The following TANC2 variants were observed in gnomAD, a reference collection of about 807,000 sequenced individuals.
The protein encoded by TANC2 is tetratricopeptide repeat, ankyrin repeat and coiled-coil containing 2, also known as protein TANC2.
TANC2 carries 26 observed loss-of-function variants against 210.5 expected under a neutral mutation model. The ratio of observed to expected loss-of-function variants is 0.12; its 90% confidence interval spans 0.09 to 0.17. The LOEUF is 0.17. Ranked by LOEUF, TANC2 falls within the 10% of genes least tolerant of loss-of-function variation. The pLI is 1.00. For missense variants in TANC2, 2,129 were observed against 2,608.9 expected, an observed-to-expected ratio of 0.82 and a Z score of 4.01; for synonymous variants, 931 against 967.1, an observed-to-expected ratio of 0.96 and a Z score of 0.69.
chr17:63,005,251 G>A (rs1293708636), intron 1 of TANC2: 4 of 152,218 alleles, frequency 2.6e-5, no homozygotes, highest in Non-Finnish European at 4.4e-5. Flanking sequence ...AAATGGCCAT[G>A]TAGTGTAGGT....
chr17:63,349,383 A>G (rs571615190), intron 12 of TANC2, among the ~76,000 whole-genome samples: 18 of 152,258 alleles, frequency 1.2e-4, no homozygotes, highest in African/African-American at 4.3e-4. Context: ...GAAAATCCCA[A>G]CAGATGCATT....
intron 7 of TANC2, among the ~76,000 whole-genome samples, chr17:63,221,606 G>T (rs868430875): frequency 6.6e-6 from 1 of 152,202 alleles, no homozygotes; most frequent in East Asian, 1.9e-4. Flanking sequence ...ATGAGCAAGC[G>T]ATTTGAACAG....
At chr17:62,998,923 C>T (rs938701004) in intron 1 of TANC2, among the ~76,000 whole-genome samples, 1 of 152,128 alleles carries the variant, frequency 6.6e-6, no homozygotes, top group African/African-American at 2.4e-5. Context: ...CACATAGAGT[C>T]AAAGTAAAGG....
intron 2 of TANC2, among the ~76,000 whole-genome samples, chr17:63,054,137 G>C (rs1191900712): frequency 6.6e-6 from 1 of 152,126 alleles, no homozygotes; most frequent in African/African-American, 2.4e-5. Context: ...CATTTAAAAT[G>C]GTAGTACTAC....
chr17:63,023,023 A>C (rs191339415), intron 2 of TANC2, among the ~76,000 whole-genome samples: 1 of 152,324 alleles, frequency 6.6e-6, no homozygotes, highest in Non-Finnish European at 1.5e-5. Flanking sequence ...GCTTTTCTTC[A>C]AGATTTCAAA....
intron 11 of TANC2, among the ~76,000 whole-genome samples, chr17:63,321,458 C>CA (rs2045490836): frequency 6.6e-6 from 1 of 152,132 alleles, no homozygotes; most frequent in Non-Finnish European, 1.5e-5. Flanking sequence ...TTTACTTAGG[C>CA]ACTGAAAAAA....
At chr17:63,032,875 C>T (rs1219239624) in intron 2 of TANC2, among the ~76,000 whole-genome samples, 2 of 152,138 alleles carry the variant, frequency 1.3e-5, no homozygotes, top group African/African-American at 4.8e-5. Flanking sequence ...AGACGCCCCC[C>T]ACTTAGACAC....
chr17:63,209,781 A>T (rs1056630636), intron 7 of TANC2, among the ~76,000 whole-genome samples: 1 of 152,136 alleles, frequency 6.6e-6, no homozygotes, highest in African/African-American at 2.4e-5. Flanking sequence ...GTTCCTGTAG[A>T]TGTTTGTAGA....
At position 63,418,662 on chromosome 17, in the gene TANC2, A is replaced by G. The variant is rs1304537675; in HGVS notation, c.4268+255A>G. The stretch of plus-strand genomic sequence containing the variant: ...CACTGGAGAATGGCAGCTTCTTCCA[A>G]GAAGCCTCTGCCGTATCTCAGGCAT... On this transcript the variant is annotated intron_variant, in intron 27 of 27. Coordinates refer to ENST00000689528, the Ensembl canonical transcript of TANC2. This position sits in a 1 kb window ranked among gnomAD's most constrained non-coding sequence, Gnocchi z 4.6. 6.6e-6 allele frequency among the ~76,000 whole-genome samples: 1 copy of G among 152,252 alleles called. No individual in the cohort carries two copies. The highest frequency in any genetic ancestry group is 2.4e-5 in the African/African-American group (1 of 41,466).
chr17:63,200,751 T>A lies in TANC2; in HGVS notation c.583-20T>A. 6.2e-7 allele frequency: 1 copy of A among 1,605,546 alleles called. No homozygotes were observed. Among genetic ancestry groups the A allele is most frequent in the Non-Finnish European group, 8.5e-7 (1 of 1,175,622 alleles). ...CAGCTGATCAGGTTATCTTACTTAT[T>A]CATGATTCCAATTTTTCAGACCTCA... On this transcript the variant is annotated intron_variant, in intron 6 of 27. Coordinates refer to ENST00000689528, the Ensembl canonical transcript of TANC2.
chr17:63,229,759 T>C (rs974168083), intron 7 of TANC2, among the ~76,000 whole-genome samples: 1 of 149,898 alleles, frequency 6.7e-6, no homozygotes, highest in African/African-American at 2.5e-5. Context: ...TATTCTCTAA[T>C]GATTGTTTGT....
At chr17:63,085,931 G>T (rs1396189427) in intron 3 of TANC2, among the ~76,000 whole-genome samples, 2 of 151,922 alleles carry the variant, frequency 1.3e-5, no homozygotes, top group Non-Finnish European at 2.9e-5. Context: ...TTGCAAGGCA[G>T]GTCTTCTGGC....
exon 8 of TANC2, chr17:63,238,035 T>G: frequency 6.4e-7 from 1 of 1,552,100 alleles, no homozygotes; most frequent in Non-Finnish European, 8.7e-7. Context: ...ATCAGTACAG[T>G]CTATTCCTTT....
chr17:62,973,751 T>C (rs1170952591), intron 1 of TANC2, among the ~76,000 whole-genome samples: 3 of 152,218 alleles, frequency 2.0e-5, no homozygotes, highest in African/African-American at 7.2e-5. Context: ...CTATAGCCCA[T>C]AGACCAAATC....
chr17:63,112,452 ATGT>A (rs1388271540), intron 4 of TANC2, among the ~76,000 whole-genome samples: 1 of 152,150 alleles, frequency 6.6e-6, no homozygotes, highest in Admixed American at 6.5e-5. Context: ...GTGTAAGGTA[ATGT>A]TGTTTTTCAA....
rs914248001 is a variant in TANC2 at position 63,283,464 on chromosome 17, A to C, written c.1159+15591A>C. 2.7e-5 allele frequency among the ~76,000 whole-genome samples: 4 copies of C among 147,382 alleles called. No individual in the cohort carries two copies. The East Asian group carries it at 5.8e-4, about 21-fold the overall frequency. On this transcript the variant is annotated intron_variant, in intron 9 of 27. Transcript: ENST00000689528. ...TTGCATTTCCGTGTGAAGCCTTATA[A>C]ATTTCTACAAAAAAAAAAACTGCTA...
At chr17:63,314,761 C>T (rs2045260549) in intron 10 of TANC2, 92 bp downstream of exon 10, 7 of 1,481,182 alleles carry the variant, frequency 4.7e-6, no homozygotes, top group Non-Finnish European at 6.3e-6. Flanking sequence ...TTTATTTTCT[C>T]ATCTGCAAAA....
chr17:63,223,218 C>T (rs921370318), intron 7 of TANC2, among the ~76,000 whole-genome samples: 3 of 152,078 alleles, frequency 2.0e-5, no homozygotes, highest in Admixed American at 6.5e-5. Context: ...GTACTAGATG[C>T]CATTGAATTT....
chr17:63,217,713 CA>C (rs753050159), intron 7 of TANC2, among the ~76,000 whole-genome samples: 4 of 152,134 alleles, frequency 2.6e-5, no homozygotes, highest in Non-Finnish European at 4.4e-5. Context: ...TAAAGAGGAA[CA>C]ACTAGGAGGC....
Sources: allele counts gnomAD v4.1 joint callset (sites outside exome capture counted in the v4.1 genomes callset), GRCh38; gene constraint gnomAD v4.1.1; non-coding constraint Gnocchi (gnomAD v3.1); transcripts MANE v1.5; gene names NCBI Gene and HGNC (gene_info 2026-07-23, HGNC 2026-07-21).